Variants in MSRA observed in about 807,000 individuals in gnomAD.
The protein encoded by MSRA is mitochondrial peptide methionine sulfoxide reductase.
A neutral mutation model predicts 31.3 loss-of-function variants in MSRA; 54 were observed. That is an observed-to-expected ratio of 1.73 (90% confidence interval 1.39 to 2.17). The LOEUF (loss-of-function observed/expected upper bound fraction) is 2.17. Among genes scored for constraint, MSRA ranks in the 30% most tolerant of loss-of-function variants. The probability of loss-of-function intolerance (pLI) is 0.00; values close to 1 mark genes in which losing one functional copy is unlikely to be tolerated. For missense variants in MSRA, 507 were observed against 300.9 expected (o/e 1.69, Z -5.07); for synonymous variants, 169 against 116.5 (o/e 1.45, Z -2.90).
chr8:10,420,349 G>T (rs896932545), intron 5 of MSRA, among the ~76,000 whole-genome samples: 1 of 151,750 alleles, frequency 6.6e-6, no homozygotes, highest in Admixed American at 6.6e-5. Flanking sequence ...TATTGAAGGA[G>T]AGGGGAGAGG....
At chr8:10,126,077 T>C (rs1165056211) in intron 1 of MSRA, among the ~76,000 whole-genome samples, 1 of 152,230 alleles carries the variant, frequency 6.6e-6, no homozygotes, top group African/African-American at 2.4e-5. Context: ...GAAATCATGC[T>C]ACTTTCATTC....
intron 4 of MSRA, among the ~76,000 whole-genome samples, chr8:10,302,194 T>C (rs1186924300): frequency 2.0e-5 from 3 of 152,256 alleles, no homozygotes; most frequent in African/African-American, 7.2e-5. Flanking sequence ...GATATTAATA[T>C]ATTTGGGCTA....
At position 10,207,893 on chromosome 8, in the gene MSRA, C is replaced by G. The variant is rs1156932960; in HGVS notation, c.203C>G (p.Ala68Gly). 1 of 1,610,692 alleles carries G rather than the reference C, an allele frequency of 6.2e-7. No homozygotes were observed. The highest frequency in any genetic ancestry group is 2.2e-5 in the East Asian group (1 of 44,786). ...CCTTTCCCAGAGGGAACACAGATGG[C>G]TGTATTTGGTAAGATATCAATTCTG... ...VEPFPEGTQM[A>G]VFGMGCFWGA... The change falls in exon 2 of 6, where the codon GCT becomes GGT. Residue 68 changes from alanine to glycine, a missense_variant. By Grantham distance (60) the Ala-to-Gly change is moderately conservative. Coordinates refer to ENST00000317173, the MANE Select transcript of MSRA (RefSeq NM_012331.5).
chr8:10,169,032 T>A (rs1805379496), intron 1 of MSRA, among the ~76,000 whole-genome samples: 1 of 152,210 alleles, frequency 6.6e-6, no homozygotes, highest in Admixed American at 6.5e-5. Context: ...TACTTTTGCA[T>A]TCGTATGATT....
Position 10,123,001 on chromosome 8 carries a change from A to G in MSRA, c.142+68343A>G, listed in dbSNP as rs114925032. On this transcript the variant is annotated intron_variant, in intron 1 of 5. Coordinates refer to ENST00000317173, the MANE Select transcript of MSRA (RefSeq NM_012331.5). Reference sequence around the variant, plus strand: ...AGTGCTGCAGCGAACATATATGTGCATGTGTCTATATAGGAGAATGATTTA... The same window carrying G: ...AGTGCTGCAGCGAACATATATGTGCGTGTGTCTATATAGGAGAATGATTTA... 3.4e-3 allele frequency among the ~76,000 whole-genome samples: 516 copies of G among 152,328 alleles called. 2 individuals are homozygous for G. The highest frequency in any genetic ancestry group is 0.012 in the African/African-American group (494 of 41,582).
At chr8:10,225,632 G>A (rs1217555992) in intron 2 of MSRA, among the ~76,000 whole-genome samples, 1 of 152,152 alleles carries the variant, frequency 6.6e-6, no homozygotes, top group Non-Finnish European at 1.5e-5. Flanking sequence ...AAGTCTCAAG[G>A]GAACTTCTGA....
intron 1 of MSRA, among the ~76,000 whole-genome samples, chr8:10,075,678 A>G (rs1476332314): frequency 2.0e-5 from 3 of 152,246 alleles, no homozygotes; most frequent in Admixed American, 2.0e-4. Context: ...TCTAGCATCA[A>G]GAGATGATTT....
intron 1 of MSRA, among the ~76,000 whole-genome samples, chr8:10,119,726 T>G (rs1800968072): frequency 6.6e-6 from 1 of 151,962 alleles, no homozygotes; most frequent in Admixed American, 6.6e-5. Flanking sequence ...GATGAGGTGG[T>G]GGGGGAGACG....
chr8:10,276,261 T>C (rs1456168750), intron 3 of MSRA, among the ~76,000 whole-genome samples: 1 of 152,216 alleles, frequency 6.6e-6, no homozygotes, highest in African/African-American at 2.4e-5. Flanking sequence ...GCCGAGCACA[T>C]GGTCGCAGTA....
chr8:10,329,748 G>A (rs554160429), intron 5 of MSRA, among the ~76,000 whole-genome samples: 97 of 151,592 alleles, frequency 6.4e-4, no homozygotes, highest in Admixed American at 2.0e-3. Flanking sequence ...AGGTGGGAGC[G>A]CATCTGGCTT....
intron 1 of MSRA, among the ~76,000 whole-genome samples, chr8:10,188,148 A>ATG (rs1348307107): frequency 3.3e-5 from 5 of 152,226 alleles, no homozygotes; most frequent in African/African-American, 4.8e-5. Context: ...GCTTCCCCCA[A>ATG]TGTTAATATC....
intron 1 of MSRA, among the ~76,000 whole-genome samples, chr8:10,062,967 A>G (rs1797283849): frequency 6.6e-6 from 1 of 152,168 alleles, no homozygotes; most frequent in Non-Finnish European, 1.5e-5. Context: ...GAGTCTGGCC[A>G]TGGCTTTGCT....
chr8:10,122,824 A>G (rs1801224388), intron 1 of MSRA, among the ~76,000 whole-genome samples: 1 of 152,160 alleles, frequency 6.6e-6, no homozygotes, highest in Non-Finnish European at 1.5e-5. Flanking sequence ...GCTAAGGATA[A>G]TATCCGCCAG....
intron 4 of MSRA, among the ~76,000 whole-genome samples, chr8:10,303,645 G>A (rs1448079682): frequency 6.6e-6 from 1 of 152,100 alleles, no homozygotes. Flanking sequence ...TCCAATCTGT[G>A]GTCCCCACCC....
intron 3 of MSRA, among the ~76,000 whole-genome samples, chr8:10,286,543 C>T (rs757802845): frequency 7.9e-5 from 12 of 152,324 alleles, no homozygotes; most frequent in South Asian, 2.1e-4. Context: ...TTGTAAGTTG[C>T]CCAGTCTTGG....
chr8:10,306,090 TG>T, intron 4 of MSRA, among the ~76,000 whole-genome samples: 1 of 152,140 alleles, frequency 6.6e-6, no homozygotes, highest in Admixed American at 6.5e-5. Context: ...TTCCTGGCCA[TG>T]GGGTACCCAG....
intron 1 of MSRA, among the ~76,000 whole-genome samples, chr8:10,090,103 T>A (rs1798782102): frequency 6.6e-6 from 1 of 152,206 alleles, no homozygotes. Context: ...GGATTCATGG[T>A]GCACATGGAG....
Position 10,111,403 on chromosome 8 carries a change from T to G in MSRA, c.142+56745T>G, listed in dbSNP as rs186487782. Reference sequence around the variant, plus strand: ...TGGGGCCACTTATTCTTGTCTTGTTTGTGAAAGCCAAAACAATAGGATGCT... The same window carrying G: ...TGGGGCCACTTATTCTTGTCTTGTTGGTGAAAGCCAAAACAATAGGATGCT... On this transcript the variant is annotated intron_variant, in intron 1 of 5. Transcript: ENST00000317173. 1.2e-3 allele frequency among the ~76,000 whole-genome samples: 187 copies of G among 152,278 alleles called. 1 individual carries two copies. The highest frequency in any genetic ancestry group is 4.1e-3 in the African/African-American group (171 of 41,556).
At chr8:10,152,982 C>T (rs113305173) in intron 1 of MSRA, among the ~76,000 whole-genome samples, 4 of 152,042 alleles carry the variant, frequency 2.6e-5, no homozygotes, top group African/African-American at 7.2e-5. Flanking sequence ...GAAGGTAGAA[C>T]GGTGATTTCC....
Sources: allele counts gnomAD v4.1 joint callset (sites outside exome capture counted in the v4.1 genomes callset), GRCh38; gene constraint gnomAD v4.1.1; transcripts MANE v1.5; gene names NCBI Gene and HGNC (gene_info 2026-07-23, HGNC 2026-07-21).